Variants in NOS1AP observed in about 807,000 individuals in gnomAD.
NOS1AP encodes the protein nitric oxide synthase 1 adaptor protein.
NOS1AP carries 21 observed loss-of-function variants against 56.2 expected under a neutral mutation model. The observed-to-expected ratio is 0.37, with a 90% CI of 0.26 to 0.54. NOS1AP has a LOEUF of 0.54. NOS1AP is among the 20% of genes least tolerant of loss of function. The probability of loss-of-function intolerance (pLI) is 0.84; values close to 1 mark genes in which losing one functional copy is unlikely to be tolerated. For synonymous variants in NOS1AP, 270 were observed against 274.6 expected (o/e 0.98, Z 0.17); for missense variants, 522 against 657.8 (o/e 0.79, Z 2.26).
At chr1:162,327,790 C>G (rs1164542325) in intron 4 of NOS1AP, among the ~76,000 whole-genome samples, 1 of 152,154 alleles carries the variant, frequency 6.6e-6, no homozygotes, top group Non-Finnish European at 1.5e-5. Context: ...GTTCAGATCC[C>G]TCACAAATGA....
At chr1:162,156,300 T>A (rs1166802914) in intron 2 of NOS1AP, among the ~76,000 whole-genome samples, 1 of 152,130 alleles carries the variant, frequency 6.6e-6, no homozygotes, top group African/African-American at 2.4e-5. Context: ...ATTTTCTAGA[T>A]TAAACTGAGG....
chr1:162,105,896 G>C (rs555933780), intron 1 of NOS1AP, among the ~76,000 whole-genome samples: 5 of 152,350 alleles, frequency 3.3e-5, no homozygotes, highest in South Asian at 2.1e-4. Context: ...CAATCCACGT[G>C]GTGCTGTGAA....
chr1:162,300,763 C>G, intron 4 of NOS1AP, 57 bp downstream of exon 4: 1 of 1,459,718 alleles, frequency 6.9e-7, no homozygotes, highest in Non-Finnish European at 9.6e-7. Flanking sequence ...CTCCTGCCCC[C>G]TACAGCCACC....
intron 8 of NOS1AP, among the ~76,000 whole-genome samples, chr1:162,360,116 G>A (rs976741596): frequency 2.7e-5 from 4 of 150,102 alleles, no homozygotes; most frequent in Admixed American, 6.7e-5. Context: ...GTCTAAGACC[G>A]CAAGACCTCT....
intron 4 of NOS1AP, among the ~76,000 whole-genome samples, chr1:162,319,620 G>C (rs1194818387): frequency 2.0e-5 from 3 of 152,028 alleles, no homozygotes. Context: ...TTCTGTCTCG[G>C]TGATGGATAG....
chr1:162,143,858 CT>C, intron 1 of NOS1AP, among the ~76,000 whole-genome samples: 1 of 152,260 alleles, frequency 6.6e-6, no homozygotes, highest in African/African-American at 2.4e-5. Context: ...AGTTTAAGTA[CT>C]TAGAATTTAG....
intron 1 of NOS1AP, among the ~76,000 whole-genome samples, chr1:162,143,236 C>T (rs567101059): frequency 6.6e-6 from 1 of 152,182 alleles, no homozygotes; most frequent in East Asian, 1.9e-4. Flanking sequence ...TTCACCACTT[C>T]CGTCTTCACT....
chr1:162,267,803 GGTAT>G (rs1654471268), intron 2 of NOS1AP, among the ~76,000 whole-genome samples: 2 of 152,018 alleles, frequency 1.3e-5, no homozygotes, highest in South Asian at 4.2e-4. Flanking sequence ...AGAATACAAA[GGTAT>G]GTTGATAGCC....
chr1:162,191,955 A>T (rs192687659), intron 2 of NOS1AP, among the ~76,000 whole-genome samples: 1 of 152,034 alleles, frequency 6.6e-6, no homozygotes, highest in African/African-American at 2.4e-5. Flanking sequence ...TCAGATAGGG[A>T]GTGGTTGTCC....
chr1:162,108,405 GA>G (rs924579631), intron 1 of NOS1AP, among the ~76,000 whole-genome samples: 39 of 151,086 alleles, frequency 2.6e-4, no homozygotes, highest in African/African-American at 7.5e-4. Flanking sequence ...TGATACTCAA[GA>G]AAAAAAAATC....
intron 2 of NOS1AP, among the ~76,000 whole-genome samples, chr1:162,280,163 T>C (rs900101449): frequency 1.3e-5 from 2 of 152,128 alleles, no homozygotes; most frequent in African/African-American, 2.4e-5. Context: ...AAATAAATAA[T>C]AAAGAAATAT....
At chr1:162,244,672 G>A (rs1373258529) in intron 2 of NOS1AP, among the ~76,000 whole-genome samples, 1 of 152,148 alleles carries the variant, frequency 6.6e-6, no homozygotes, top group East Asian at 1.9e-4. Flanking sequence ...AGAGTTTCCA[G>A]ATAATTCTTC....
chr1:162,224,934 G>C (rs1571142160), intron 2 of NOS1AP, among the ~76,000 whole-genome samples: 1 of 152,326 alleles, frequency 6.6e-6, no homozygotes, highest in East Asian at 1.9e-4. Flanking sequence ...CCCCCGGGAA[G>C]TCTTAAACAA....
chr1:162,299,491 G>C (rs996580280), intron 3 of NOS1AP, among the ~76,000 whole-genome samples: 1 of 152,214 alleles, frequency 6.6e-6, no homozygotes, highest in Non-Finnish European at 1.5e-5. Flanking sequence ...CTCTGTTTAT[G>C]TATTTGAAGG....
chr1:162,104,470 G>T (rs1373502534), intron 1 of NOS1AP, among the ~76,000 whole-genome samples: 1 of 152,066 alleles, frequency 6.6e-6, no homozygotes, highest in Non-Finnish European at 1.5e-5. Context: ...CTAGGTTGGG[G>T]TAGTTCTCCT....
At chr1:162,257,759 T>C (rs1047284973) in intron 2 of NOS1AP, among the ~76,000 whole-genome samples, 6 of 152,106 alleles carry the variant, frequency 3.9e-5, no homozygotes, top group Non-Finnish European at 7.4e-5. Context: ...GAAGTGTCCA[T>C]TGGCTACATG....
chr1:162,352,367 C>T (rs1227671420), intron 6 of NOS1AP, among the ~76,000 whole-genome samples: 3 of 151,806 alleles, frequency 2.0e-5, no homozygotes, highest in Admixed American at 6.6e-5. Flanking sequence ...CCTGCAGGCT[C>T]CTCTTCTACC....
intron 1 of NOS1AP, among the ~76,000 whole-genome samples, chr1:162,104,283 G>A (rs1191179522): frequency 2.0e-5 from 3 of 152,220 alleles, no homozygotes; most frequent in African/African-American, 7.2e-5. Context: ...TCTGCTGTTA[G>A]TCTGATGGGC....
intron 1 of NOS1AP, among the ~76,000 whole-genome samples, chr1:162,081,826 A>G (rs1691902840): frequency 7.3e-6 from 1 of 136,478 alleles, no homozygotes; most frequent in Non-Finnish European, 1.6e-5. Context: ...CTGGTCTGGA[A>G]CTCCTAGGCT....
Sources: gnomAD v4.1 joint callset for allele counts (sites outside exome capture counted in the v4.1 genomes callset) on GRCh38, gnomAD v4.1.1 for gene constraint, MANE v1.5 for transcripts, NCBI Gene and HGNC (gene_info 2026-07-23, HGNC 2026-07-21) for gene names.